XKR5: variants seen among roughly 807,000 people sequenced by gnomAD.
XKR5 encodes the protein XK-related protein 5.
A neutral mutation model predicts 40.8 loss-of-function variants in XKR5; 46 were observed. That is an observed-to-expected ratio of 1.13 (90% confidence interval 0.89 to 1.44). The LOEUF is 1.44. XKR5 is among the 40% of genes most tolerant of loss of function. The probability of loss-of-function intolerance (pLI) is 0.00; values close to 1 mark genes in which losing one functional copy is unlikely to be tolerated. For missense variants in XKR5, 1,169 were observed against 844.7 expected (o/e 1.38, Z -4.76); for synonymous variants, 466 against 356.1 (o/e 1.31, Z -3.48).
At chr8:6,821,824 G>A (rs1313532111) in intron 5 of XKR5, 45 bp downstream of exon 5, 1 of 1,574,742 alleles carries the variant, frequency 6.4e-7, no homozygotes, top group South Asian at 1.2e-5. Flanking sequence ...CACCCCACTT[G>A]CTGTATACAC....
rs141170827 is a variant in XKR5, at chr8:6,830,324, G to T, written c.242+2393C>A. Among the ~76,000 whole-genome samples the T allele has an allele frequency of 1.3e-3, 195 of 152,266 alleles. 3 individuals are homozygous for T. The highest frequency in any genetic ancestry group is 6.0e-3 in the East Asian group (31 of 5,182). ...GAATTGCAATTTGGAAAGCTGGATT[G>T]CCTCACTAAAAATACTGCTTCACTC... On this transcript the variant is annotated intron_variant, in intron 2 of 6. Transcript: ENST00000618742.
intron 5 of XKR5, among the ~76,000 whole-genome samples, chr8:6,817,522 A>G (rs1804018045): frequency 6.6e-6 from 1 of 151,824 alleles, no homozygotes; most frequent in Non-Finnish European, 1.5e-5. Flanking sequence ...GAGAGACTTG[A>G]ACAAACACTG....
At chr8:6,815,665 G>A (rs1803920542) in intron 6 of XKR5, 142 bp downstream of exon 6, 4 of 611,638 alleles carry the variant, frequency 6.5e-6, no homozygotes. Context: ...GCATGGCTCT[G>A]CCCCCCACAT....
intron 5 of XKR5, among the ~76,000 whole-genome samples, chr8:6,821,018 A>T (rs560200041): frequency 6.6e-6 from 1 of 151,940 alleles, no homozygotes; most frequent in South Asian, 2.1e-4. Context: ...CCTGAAGAGT[A>T]TGTAGATCTT....
At position 6,811,522 on chromosome 8, in the gene XKR5, C is replaced by A; in HGVS notation, c.1737G>T (p.Gln579His). 1.3e-6 allele frequency: 2 copies of A among 1,531,074 alleles called. No individual in the cohort carries two copies. The highest frequency in any genetic ancestry group is 1.7e-6 in the Non-Finnish European group (2 of 1,143,380). 94.8% of individuals were successfully genotyped at this position (1,531,074 alleles called of 1,614,324 possible). ...AGCCCACTGGGTGGGGCGATGCAGG[C>A]TGGGCAGGGCTGCTCTTTCCCAGCC... ...GRRLGKSSPA[Q>H]PASPHPVGLA... Residue 579 changes from glutamine (Q) to histidine (H), a missense_variant, in exon 7 of 7, where the codon CAG becomes CAT. Transcript: ENST00000618742.
chr8:6,817,212 C>G lies in XKR5; in HGVS notation c.808-1294G>C, dbSNP rs533662319. Reference sequence around the variant, plus strand: ...ACCAATGTCAGGGTGACCCACTTCACCCAGAGATTGCATCTTGCCATTCCT... The same window carrying G: ...ACCAATGTCAGGGTGACCCACTTCAGCCAGAGATTGCATCTTGCCATTCCT... On this transcript the variant is annotated intron_variant, in intron 5 of 6. Transcript: ENST00000618742. Among the ~76,000 whole-genome samples the G allele has an allele frequency of 1.5e-3, 221 of 152,294 alleles. 3 individuals are homozygous for G. In the South Asian group the frequency reaches 0.042, roughly 29 times the overall value.
intron 2 of XKR5, among the ~76,000 whole-genome samples, chr8:6,827,172 G>T (rs142401847): frequency 5.3e-5 from 8 of 152,068 alleles, no homozygotes; most frequent in Admixed American, 5.2e-4. Context: ...GTCAGATTTC[G>T]CCACCACCCA....
intron 2 of XKR5, among the ~76,000 whole-genome samples, chr8:6,827,392 A>G (rs1188792387): frequency 6.6e-6 from 1 of 152,198 alleles, no homozygotes; most frequent in Non-Finnish European, 1.5e-5. Flanking sequence ...GAGACCCCTA[A>G]GGCTCTGACT....
chr8:6,831,990 G>C lies in XKR5; in HGVS notation c.242+727C>G, dbSNP rs556213496. ...AGATCACACCACTGCACTCCAGCCTGGGTGACAGAGTGAGACTCCATCTCA... is the reference window on the plus strand; with the variant it reads ...AGATCACACCACTGCACTCCAGCCTCGGTGACAGAGTGAGACTCCATCTCA... On this transcript the variant is annotated intron_variant, in intron 2 of 6. Transcript: ENST00000618742. Among the ~76,000 whole-genome samples the C allele has an allele frequency of 5.1e-5, 7 of 138,034 alleles. No homozygotes were observed. In the East Asian group the frequency reaches 1.5e-3, roughly 29 times the overall value. 90.6% of individuals were successfully genotyped at this position (138,034 alleles called of 152,430 possible).
At position 6,821,890 on chromosome 8, in the gene XKR5, A is replaced by G. The variant is rs76351821; in HGVS notation, c.786T>C (p.Asn262=). The G allele has an allele frequency of 8.7e-3, 14,068 of 1,613,462 alleles. 79 individuals are homozygous for G. Among genetic ancestry groups the G allele is most frequent in the Non-Finnish European group, 1.0e-2 (11,753 of 1,179,688 alleles). ...TTGCCATGTAGAACGTGACCATCCT[A>G]TTTCTAGAAGGGCTGTCCCAGAAGC... The part of the protein sequence containing the change: ...YLSFWDSPSR[N]RMVTFYMVML... The change falls in exon 5 of 7, where the codon AAT becomes AAC. Residue 262 remains asparagine, a synonymous_variant. Transcript: ENST00000618742.
chr8:6,812,651 T>G (rs115419546), intron 6 of XKR5, among the ~76,000 whole-genome samples: 1,797 of 152,314 alleles, frequency 0.012, 31 homozygotes, highest in African/African-American at 0.038. Flanking sequence ...CATTCATGCA[T>G]GTGTGTGTGC....
intron 4 of XKR5, among the ~76,000 whole-genome samples, chr8:6,822,527 G>C (rs1314919619): frequency 6.6e-6 from 1 of 152,146 alleles, no homozygotes; most frequent in African/African-American, 2.4e-5. Context: ...TAACAAAATA[G>C]CTAATCTCTC....
intron 6 of XKR5, among the ~76,000 whole-genome samples, chr8:6,813,526 A>C (rs1803829008): frequency 1.3e-5 from 2 of 152,148 alleles, no homozygotes; most frequent in African/African-American, 2.4e-5. Flanking sequence ...CCCAGGATGG[A>C]AGGAAAAGGG....
chr8:6,811,516 T>C lies in XKR5; in HGVS notation c.1743A>G (p.Ala581=). The stretch of plus-strand genomic sequence containing the variant: ...GCGCCAAGCCCACTGGGTGGGGCGA[T>C]GCAGGCTGGGCAGGGCTGCTCTTTC... ...RLGKSSPAQP[A]SPHPVGLAPF... is the part of the protein sequence containing the mutation. Residue 581 remains alanine, a synonymous_variant, in exon 7 of 7, where the codon GCA becomes GCG. Transcript: ENST00000618742. 1 of 1,531,024 alleles carries C rather than the reference T, an allele frequency of 6.5e-7. No homozygotes were observed. Among genetic ancestry groups the C allele is most frequent in the Non-Finnish European group, 8.7e-7 (1 of 1,143,240 alleles). 94.8% of individuals were successfully genotyped at this position (1,531,024 alleles called of 1,614,324 possible). A position where few individuals can be genotyped will look rare whatever the true frequency, so the allele number is the denominator to read the frequency against.
At position 6,811,816 on chromosome 8, in the gene XKR5, T is replaced by C. The variant is rs551478898; in HGVS notation, c.1443A>G (p.Pro481=). ...FEGVPKAEAD[P]LETSSYVSFA... ...AAGATACGTAACTTGAGGTTTCCAATGGGTCGGCCTCTGCTTTAGGGACAC... is the reference window on the plus strand; with the variant it reads ...AAGATACGTAACTTGAGGTTTCCAACGGGTCGGCCTCTGCTTTAGGGACAC... Residue 481 remains proline (P), a synonymous_variant, in exon 7 of 7, where the codon CCA becomes CCG. Transcript: ENST00000618742. 4 of 1,537,670 alleles carry C rather than the reference T, an allele frequency of 2.6e-6. No homozygotes were observed. Among genetic ancestry groups the C allele is most frequent in the South Asian group, 2.4e-5 (2 of 84,064 alleles).
rs182275007 is a variant in XKR5, at chr8:6,809,218, G to C, written c.*1980C>G. On this transcript the variant is annotated 3_prime_UTR_variant, in exon 7 of 7. Transcript: ENST00000618742. Reference sequence around the variant, plus strand: ...TGCTCATGCTCTCACCTGGCTGGGCGAGAGACTGCATGGAGGAAGGACTGA... The same window carrying C: ...TGCTCATGCTCTCACCTGGCTGGGCCAGAGACTGCATGGAGGAAGGACTGA... 6.6e-6 allele frequency: 1 copy of C among 152,310 alleles called. No individual in the cohort carries two copies. The highest frequency in any genetic ancestry group is 6.5e-5 in the Admixed American group (1 of 15,286). 9.4% of individuals were successfully genotyped at this position (152,310 alleles called of 1,614,324 possible). A position where few individuals can be genotyped will look rare whatever the true frequency, so the allele number is the denominator to read the frequency against.
rs1479423496 is a variant in XKR5, at chr8:6,810,781, T to G, written c.*417A>C. ...TTCATAACATAATACAGTTAGAATA[T>G]ATTAAAATGAGATTCATAACCGCTA... On this transcript the variant is annotated 3_prime_UTR_variant, in exon 7 of 7. Transcript: ENST00000618742. 1 of 160,604 alleles carries G rather than the reference T, an allele frequency of 6.2e-6. No individual in the cohort carries two copies. Among genetic ancestry groups the G allele is most frequent in the Admixed American group, 6.0e-5 (1 of 16,708 alleles). 9.9% of individuals were successfully genotyped at this position (160,604 alleles called of 1,614,324 possible).
chr8:6,829,826 C>A (rs1386829827), intron 2 of XKR5, among the ~76,000 whole-genome samples: 1 of 63,530 alleles, frequency 1.6e-5, no homozygotes, highest in Admixed American at 2.6e-4. Context: ...CAAATTCTTG[C>A]TTTTTTTTTT....
rs1803646132 is a variant in XKR5, at chr8:6,810,869, T to C, written c.*329A>G. ...TAAAATAGGAATCTGGGTTTTACCT[T>C]TGTGTTTCCTAGAAGCCACAGCAAA... On this transcript the variant is annotated 3_prime_UTR_variant, in exon 7 of 7. Transcript: ENST00000618742. 1 of 202,780 alleles carries C rather than the reference T, an allele frequency of 4.9e-6. No individual in the cohort carries two copies. 12.6% of individuals were successfully genotyped at this position (202,780 alleles called of 1,614,324 possible).
Sources: gnomAD v4.1 joint callset for allele counts (sites outside exome capture counted in the v4.1 genomes callset) on GRCh38, gnomAD v4.1.1 for gene constraint, MANE v1.5 for transcripts, NCBI Gene and HGNC (gene_info 2026-07-23, HGNC 2026-07-21) for gene names.